LOC128462377: variants seen among roughly 807,000 people sequenced by gnomAD.
the LOC128462377 span, among the ~76,000 whole-genome samples, chr16:89,400,892 C>T: frequency 2.6e-5 from 4 of 152,112 alleles, no homozygotes; most frequent in African/African-American, 7.2e-5. Flanking sequence ...GGACGCCTGT[C>T]GCCCTCCACC....
chr16:89,324,088 G>C, the LOC128462377 span: 3 of 365,630 alleles, frequency 8.2e-6, no homozygotes, highest in Admixed American at 1.5e-4. Context: ...TTGACCTCAT[G>C]ATCTGCCGGC....
chr16:89,351,517 G>T, the LOC128462377 span, among the ~76,000 whole-genome samples: 2 of 152,118 alleles, frequency 1.3e-5, no homozygotes, highest in Admixed American at 6.5e-5. Context: ...GGATCCTAGC[G>T]AACTTTTTCA....
At chr16:89,392,598 G>C in the LOC128462377 span, 1 of 151,776 alleles carries the variant, frequency 6.6e-6, no homozygotes, top group African/African-American at 2.4e-5. Flanking sequence ...TGTTGAAGCA[G>C]ACCTGTCTTG....
the LOC128462377 span, among the ~76,000 whole-genome samples, chr16:89,415,560 G>A: frequency 1.3e-5 from 2 of 151,504 alleles, no homozygotes; most frequent in South Asian, 2.1e-4. Flanking sequence ...CACTGCGCCC[G>A]GCAAGCTATT....
chr16:89,355,299 C>T, the LOC128462377 span, among the ~76,000 whole-genome samples: 1 of 151,710 alleles, frequency 6.6e-6, no homozygotes, highest in Admixed American at 6.6e-5. Flanking sequence ...GCTCGGAAGG[C>T]GGGCGGACGG....
the LOC128462377 span, among the ~76,000 whole-genome samples, chr16:89,401,556 C>T: frequency 1.3e-5 from 2 of 152,138 alleles, no homozygotes; most frequent in Admixed American, 6.5e-5. Context: ...GGAAGGATTA[C>T]AGGCGATTTT....
At chr16:89,383,384 G>T in the LOC128462377 span, among the ~76,000 whole-genome samples, 1 of 152,216 alleles carries the variant, frequency 6.6e-6, no homozygotes, top group African/African-American at 2.4e-5. Context: ...AGAACAAGAC[G>T]AGGAGATCTG....
the LOC128462377 span, among the ~76,000 whole-genome samples, chr16:89,399,854 G>A: frequency 6.6e-6 from 1 of 152,152 alleles, no homozygotes; most frequent in Admixed American, 6.5e-5. Context: ...AATGGTCCCA[G>A]AGCACAGGGC....
At chr16:89,324,396 T>C in the LOC128462377 span, 1 of 570,190 alleles carries the variant, frequency 1.8e-6, no homozygotes, top group Non-Finnish European at 3.0e-6. Flanking sequence ...AGTTCTCAGC[T>C]TCGTTAGTCA....
the LOC128462377 span, among the ~76,000 whole-genome samples, chr16:89,414,075 G>A: frequency 6.6e-6 from 1 of 152,172 alleles, no homozygotes; most frequent in African/African-American, 2.4e-5. Flanking sequence ...GATGCCACAG[G>A]CACAGCTGCT....
chr16:89,334,144 TAAAAAAAAAAA>T, the LOC128462377 span, among the ~76,000 whole-genome samples: 84 of 41,414 alleles, frequency 2.0e-3, 2 homozygotes, highest in East Asian at 6.6e-3. Flanking sequence ...CCCTGTGTTT[TAAAAAAAAAAA>T]AAAAAAAAAA....
At chr16:89,366,608 T>C in the LOC128462377 span, among the ~76,000 whole-genome samples, 1 of 152,228 alleles carries the variant, frequency 6.6e-6, no homozygotes, top group African/African-American at 2.4e-5. Flanking sequence ...CAGACTCTTG[T>C]TGAAAAGGCT....
the LOC128462377 span, among the ~76,000 whole-genome samples, chr16:89,375,880 C>T: frequency 7.2e-5 from 11 of 151,972 alleles, no homozygotes; most frequent in African/African-American, 1.9e-4. Context: ...GTGCCACTAG[C>T]GATGCTGGCA....
At chr16:89,372,820 C>T in the LOC128462377 span, 1 of 152,192 alleles carries the variant, frequency 6.6e-6, no homozygotes, top group South Asian at 2.1e-4. Context: ...CACCCTGTGG[C>T]AGGGACTCAC....
At chr16:89,320,301 G>A in the LOC128462377 span, 1 of 152,272 alleles carries the variant, frequency 6.6e-6, no homozygotes, top group Non-Finnish European at 1.5e-5. Flanking sequence ...CCTGGAAGGT[G>A]ACTTGGCTGT....
chr16:89,392,036 C>T, the LOC128462377 span, among the ~76,000 whole-genome samples: 1 of 152,170 alleles, frequency 6.6e-6, no homozygotes, highest in South Asian at 2.1e-4. Context: ...CCTTTGTTCT[C>T]CTCTGCCTTT....
the LOC128462377 span, among the ~76,000 whole-genome samples, chr16:89,398,162 T>A: frequency 1.3e-5 from 2 of 151,286 alleles, no homozygotes; most frequent in African/African-American, 4.9e-5. Context: ...ACCTGTGACC[T>A]CAGCACTCTG....
At chr16:89,340,143 T>A in the LOC128462377 span, among the ~76,000 whole-genome samples, 1 of 152,266 alleles carries the variant, frequency 6.6e-6, no homozygotes, top group Non-Finnish European at 1.5e-5. Context: ...CTAAAGTTTA[T>A]AACTAGAAAT....
chr16:89,388,409 C>T, the LOC128462377 span, among the ~76,000 whole-genome samples: 1 of 147,642 alleles, frequency 6.8e-6, no homozygotes, highest in Non-Finnish European at 1.5e-5. Flanking sequence ...GGATTATAAG[C>T]GTGAGCCACC....
Sources: allele counts gnomAD v4.1 joint callset (sites outside exome capture counted in the v4.1 genomes callset), GRCh38; gene constraint gnomAD v4.1.1; transcripts MANE v1.5.